The following HIP1 variants were observed in gnomAD, a reference collection of about 807,000 sequenced individuals.
The protein encoded by HIP1 is huntingtin-interacting protein 1.
HIP1 carries 65 observed loss-of-function variants against 147.6 expected under a neutral mutation model. That is an observed-to-expected ratio of 0.44 (90% confidence interval 0.36 to 0.54). The LOEUF is 0.54. HIP1 is among the 20% of genes least tolerant of loss of function. The probability of loss-of-function intolerance (pLI) is 0.00; values close to 1 mark genes in which losing one functional copy is unlikely to be tolerated. For synonymous variants in HIP1, 479 were observed against 504.0 expected, an observed-to-expected ratio of 0.95 and a Z score of 0.67; for missense variants, 1,061 against 1,299.6, an observed-to-expected ratio of 0.82 and a Z score of 2.82.
chr7:75,665,161 T>C lies in HIP1; in HGVS notation c.121-65914A>G, dbSNP rs1224765008. ...CATATAGTCCCAGCTAGTCAGGGGG[T>C]TGAGGGAGGAGGATTGTTTGAGGCC... On this transcript the variant is annotated intron_variant, in intron 1 of 30. Transcript: ENST00000336926. 2.0e-5 allele frequency among the ~76,000 whole-genome samples: 3 copies of C among 150,622 alleles called. No homozygotes were observed. In the Admixed American group the frequency reaches 2.0e-4, roughly 10 times the overall value.
intron 1 of HIP1, among the ~76,000 whole-genome samples, chr7:75,692,283 G>C (rs1554518232): frequency 6.6e-6 from 1 of 151,742 alleles, no homozygotes; most frequent in Admixed American, 6.6e-5. Flanking sequence ...TTTTAAGGCA[G>C]GGTCTTGCTG....
At chr7:75,636,110 G>A (rs1410074886) in intron 1 of HIP1, among the ~76,000 whole-genome samples, 1 of 151,676 alleles carries the variant, frequency 6.6e-6, no homozygotes, top group African/African-American at 2.4e-5. Context: ...GGGAGGCTGA[G>A]GTGGGTGGAT....
intron 21 of HIP1, among the ~76,000 whole-genome samples, chr7:75,553,793 G>A (rs782688692): frequency 2.6e-4 from 39 of 152,088 alleles, no homozygotes; most frequent in African/African-American, 9.2e-4. Flanking sequence ...TAGTAGAGAC[G>A]GGGTTTCGCC....
chr7:75,581,949 C>A, intron 6 of HIP1, 126 bp downstream of exon 6: 1 of 716,788 alleles, frequency 1.4e-6, no homozygotes, highest in East Asian at 2.7e-5. Context: ...GGCCAAGTCA[C>A]CCAGGGGCTT....
chr7:75,686,536 G>A lies in HIP1; in HGVS notation c.120+52265C>T, dbSNP rs190771574. 5.0e-3 allele frequency among the ~76,000 whole-genome samples: 764 copies of A among 152,258 alleles called. 6 individuals carry two copies. Among genetic ancestry groups the A allele is most frequent in the Middle Eastern group, 0.017 (5 of 294 alleles). ...CAGACTCTGAGACAAGGATGTCAGC[G>A]CAGGGAGCTTATTTGGTATTTGGGA... is the stretch of plus-strand genomic sequence containing the variant. On this transcript the variant is annotated intron_variant, in intron 1 of 30. Coordinates refer to ENST00000336926, the MANE Select transcript of HIP1 (RefSeq NM_005338.7).
At position 75,572,837 on chromosome 7, in the gene HIP1, A is replaced by C. The variant is rs587595293; in HGVS notation, c.745+924T>G. Among the ~76,000 whole-genome samples the C allele has an allele frequency of 9.2e-5, 14 of 151,536 alleles. No individual in the cohort carries two copies. In the South Asian group the frequency reaches 2.7e-3, roughly 30 times the overall value. On this transcript the variant is annotated intron_variant, in intron 8 of 30. Transcript: ENST00000336926. ...GTGGGTGGCAGCCCTGCTGCCCCGCACCCGCCCCCAGCCCCAGCTGCAGAC... is the reference window on the plus strand; with the variant it reads ...GTGGGTGGCAGCCCTGCTGCCCCGCCCCCGCCCCCAGCCCCAGCTGCAGAC...
intron 1 of HIP1, among the ~76,000 whole-genome samples, chr7:75,618,132 C>T (rs1322605716): frequency 3.3e-5 from 5 of 152,198 alleles, no homozygotes; most frequent in Non-Finnish European, 7.3e-5. Flanking sequence ...ACCACCCTCT[C>T]GTTGCCCCAG....
At chr7:75,693,766 TC>T (rs1243756489) in intron 1 of HIP1, among the ~76,000 whole-genome samples, 1 of 106,842 alleles carries the variant, frequency 9.4e-6, no homozygotes, top group Admixed American at 1.2e-4. Context: ...TCCCAGCTAC[TC>T]GGGGGAAGGG....
In HIP1 at chr7:75,640,770, T is replaced by A. The variant is rs1303633589; in HGVS notation, c.121-41523A>T. 8.5e-3 allele frequency among the ~76,000 whole-genome samples: 1,269 copies of A among 148,848 alleles called. 19 individuals carry two copies. The highest frequency in any genetic ancestry group is 0.03 in the African/African-American group (1,207 of 40,526). On this transcript the variant is annotated intron_variant, in intron 1 of 30. Transcript: ENST00000336926. ...TCCATCTCAATAATAATAATAATAA[T>A]AATAATAATAATAATAAATAATGAA... is the stretch of plus-strand genomic sequence containing the variant.
chr7:75,684,867 G>A (rs933718544), intron 1 of HIP1, among the ~76,000 whole-genome samples: 17 of 152,158 alleles, frequency 1.1e-4, no homozygotes, highest in South Asian at 2.1e-4. Flanking sequence ...CGAGAAAGGC[G>A]GATAACAAGG....
Position 75,738,937 on chromosome 7 carries a change from G to C in HIP1, c.-17C>G. The stretch of plus-strand genomic sequence containing the variant: ...CCGATCCATGTCGCCGCGAGGAGCC[G>C]AGTCAGGGGCCCTCGGCTGCCCCGG... On this transcript the variant is annotated 5_prime_UTR_variant, in exon 1 of 31. Transcript: ENST00000336926. The C allele has an allele frequency of 5.2e-6, 8 of 1,531,962 alleles. No individual in the cohort carries two copies. Among genetic ancestry groups the C allele is most frequent in the Middle Eastern group, 1.9e-4 (1 of 5,192 alleles). 94.9% of individuals were successfully genotyped at this position (1,531,962 alleles called of 1,614,324 possible). A position where few individuals can be genotyped will look rare whatever the true frequency, so the allele number is the denominator to read the frequency against.
intron 13 of HIP1, among the ~76,000 whole-genome samples, chr7:75,560,768 T>A (rs188028871): frequency 8.5e-5 from 13 of 152,150 alleles, no homozygotes; most frequent in Non-Finnish European, 1.2e-4. Context: ...CAGTTTTTAT[T>A]TGGTTTTAGA....
chr7:75,591,918 G>T (rs1796513727), intron 4 of HIP1, 138 bp downstream of exon 4: 6 of 769,518 alleles, frequency 7.8e-6, no homozygotes, highest in African/African-American at 1.7e-5. Context: ...GGCATCCTTA[G>T]TCCGTCTCTG....
At chr7:75,693,743 C>T (rs1800533045) in intron 1 of HIP1, among the ~76,000 whole-genome samples, 1 of 136,292 alleles carries the variant, frequency 7.3e-6, no homozygotes, top group Admixed American at 8.0e-5. Context: ...GGCATGGTGG[C>T]GCTCACCTGT....
intron 1 of HIP1, among the ~76,000 whole-genome samples, chr7:75,642,227 G>A (rs1365005763): frequency 1.3e-5 from 2 of 152,104 alleles, no homozygotes; most frequent in Non-Finnish European, 2.9e-5. Flanking sequence ...GTGAGACCCT[G>A]TCTTCAAAAC....
At chr7:75,694,505 C>CTTT (rs11286111) in intron 1 of HIP1, among the ~76,000 whole-genome samples, 10 of 117,536 alleles carry the variant, frequency 8.5e-5, no homozygotes, top group African/African-American at 1.7e-4. Context: ...TTCTTTCTTT[C>CTTT]TTTTTTTTTT....
At chr7:75,659,711 A>G (rs1799246854) in intron 1 of HIP1, among the ~76,000 whole-genome samples, 1 of 152,206 alleles carries the variant, frequency 6.6e-6, no homozygotes. Flanking sequence ...AAACAGGATC[A>G]GACCTGGGGT....
intron 1 of HIP1, among the ~76,000 whole-genome samples, chr7:75,643,844 A>G (rs1765964242): frequency 6.6e-6 from 1 of 152,152 alleles, no homozygotes; most frequent in Non-Finnish European, 1.5e-5. Context: ...TACTAAAAAT[A>G]CAAAAATTAG....
rs545455793 is a variant in HIP1, at chr7:75,642,533, TCAAAA to T, written c.121-43291_121-43287del. On this transcript the variant is annotated intron_variant, in intron 1 of 30. Coordinates refer to ENST00000336926, the MANE Select transcript of HIP1 (RefSeq NM_005338.7). Reference sequence around the variant, plus strand: ...TTGGGCCACAGAGTGAGACTCTGTCTCAAAACAAAACAAAACAAAACCCTTCTATG... The same window carrying T: ...TTGGGCCACAGAGTGAGACTCTGTCTCAAAACAAAACAAAACCCTTCTATG... Among the ~76,000 whole-genome samples the T allele has an allele frequency of 3.6e-3, 549 of 152,212 alleles. 1 individual carries two copies. The highest frequency in any genetic ancestry group is 0.013 in the African/African-American group (532 of 41,526).
Sources: gnomAD v4.1 joint callset for allele counts (sites outside exome capture counted in the v4.1 genomes callset) on GRCh38, gnomAD v4.1.1 for gene constraint, MANE v1.5 for transcripts, NCBI Gene and HGNC (gene_info 2026-07-23, HGNC 2026-07-21) for gene names.